The following HUNK variants were observed in gnomAD, a reference collection of about 807,000 sequenced individuals.
HUNK encodes the protein hormonally up-regulated neu tumor-associated kinase.
In HUNK, 21 loss-of-function variants were observed where a neutral mutation model predicts 61.0. The ratio of observed to expected loss-of-function variants is 0.34; its 90% CI spans 0.24 to 0.50. HUNK has a LOEUF of 0.50. Ranked by LOEUF, HUNK falls within the 20% of genes least tolerant of loss-of-function variation. The pLI, the probability that HUNK is intolerant of heterozygous loss-of-function variation, is 0.98. For synonymous variants in HUNK, 371 were observed against 386.1 expected (o/e 0.96, Z 0.46); for missense variants, 772 against 945.7 (o/e 0.82, Z 2.41).
intron 1 of HUNK, among the ~76,000 whole-genome samples, chr21:31,908,084 G>T (rs1287399139): frequency 6.6e-6 from 1 of 152,110 alleles, no homozygotes; most frequent in African/African-American, 2.4e-5. Flanking sequence ...AACTTAAGGA[G>T]TATGTGTCTC....
chr21:31,933,972 C>T (rs2052715657), intron 2 of HUNK, among the ~76,000 whole-genome samples: 1 of 152,066 alleles, frequency 6.6e-6, no homozygotes, highest in African/African-American at 2.4e-5. Flanking sequence ...CATGTGCCGA[C>T]CAGCCTGCCC....
At chr21:31,939,283 C>T (rs766095643) in intron 2 of HUNK, among the ~76,000 whole-genome samples, 3 of 152,008 alleles carry the variant, frequency 2.0e-5, no homozygotes, top group Non-Finnish European at 1.5e-5. Context: ...TTATTTTGCC[C>T]ATGATAATAT....
intron 9 of HUNK, among the ~76,000 whole-genome samples, chr21:31,995,158 CAAAA>C (rs34858300): frequency 1.6e-4 from 12 of 73,870 alleles, no homozygotes; most frequent in Non-Finnish European, 1.7e-4. Flanking sequence ...GACCCTGCCT[CAAAA>C]AAAAAAAAAA....
At chr21:31,977,169 G>C (rs976460855) in intron 7 of HUNK, among the ~76,000 whole-genome samples, 2 of 151,972 alleles carry the variant, frequency 1.3e-5, no homozygotes, top group Non-Finnish European at 2.9e-5. Flanking sequence ...TGATATATTC[G>C]TACAATGTTA....
At position 31,974,725 on chromosome 21, in the gene HUNK, C is replaced by T. The variant is rs751377501; in HGVS notation, c.1173+8C>T. On this transcript the variant is annotated splice_region_variant and intron_variant, in intron 7 of 10. Transcript: ENST00000270112. ...GAGCGCTATTTGTCAGGGGTAAGTG[C>T]GACCCTAGAGGCGATCGTCTCTGCT... 15 of 1,609,956 alleles carry T rather than the reference C, an allele frequency of 9.3e-6. No homozygotes were observed. Among genetic ancestry groups the T allele is most frequent in the African/African-American group, 2.7e-5 (2 of 74,710 alleles).
intron 5 of HUNK, among the ~76,000 whole-genome samples, chr21:31,959,451 T>C (rs1296857059): frequency 6.6e-6 from 1 of 152,234 alleles, no homozygotes; most frequent in Non-Finnish European, 1.5e-5. Flanking sequence ...GTTCAAAAGC[T>C]TTTAAATATA....
intron 1 of HUNK, among the ~76,000 whole-genome samples, chr21:31,912,016 T>C (rs1303256071): frequency 6.6e-6 from 1 of 152,226 alleles, no homozygotes; most frequent in African/African-American, 2.4e-5. Flanking sequence ...TCCTCGTACC[T>C]ACTTTCTAGC....
rs772034181 is a variant in HUNK at position 31,988,148 on chromosome 21, C to T, written c.1258-1981C>T. ...CTCTTTTTCCTGTCAAAGGCAGAGA[C>T]TGTATCTATAAAAGTGGGGTGCATT... is the stretch of plus-strand genomic sequence containing the variant. On this transcript the variant is annotated intron_variant, in intron 8 of 10. Transcript: ENST00000270112. Among the ~76,000 whole-genome samples, 39 of 152,152 alleles carry T rather than the reference C, an allele frequency of 2.6e-4. 1 individual carries two copies. The highest frequency in any genetic ancestry group is 4.0e-4 in the Non-Finnish European group (27 of 68,028).
chr21:31,921,931 T>C (rs190592409), intron 1 of HUNK, among the ~76,000 whole-genome samples: 1 of 152,090 alleles, frequency 6.6e-6, no homozygotes, highest in East Asian at 1.9e-4. Context: ...ATGGTTACCA[T>C]GGTCAAGCTC....
intron 4 of HUNK, among the ~76,000 whole-genome samples, chr21:31,948,658 G>C (rs532159533): frequency 3.9e-5 from 6 of 152,246 alleles, no homozygotes; most frequent in African/African-American, 1.4e-4. Context: ...AGGAAGGACG[G>C]AGGGAGGGAG....
chr21:31,988,437 G>A (rs1291649141), intron 8 of HUNK, among the ~76,000 whole-genome samples: 2 of 152,162 alleles, frequency 1.3e-5, no homozygotes, highest in South Asian at 4.1e-4. Flanking sequence ...TGACGGAGAG[G>A]GTGGCAGGGA....
intron 1 of HUNK, among the ~76,000 whole-genome samples, chr21:31,918,185 C>T (rs780405211): frequency 2.7e-4 from 41 of 151,620 alleles, no homozygotes; most frequent in Non-Finnish European, 4.3e-4. Flanking sequence ...TAATCAAGAA[C>T]GGCATTCCAT....
At chr21:31,929,877 C>T (rs953211736) in intron 2 of HUNK, among the ~76,000 whole-genome samples, 4 of 152,238 alleles carry the variant, frequency 2.6e-5, no homozygotes, top group African/African-American at 7.2e-5. Context: ...TGACAAGAAG[C>T]AGGCACAACC....
intron 1 of HUNK, among the ~76,000 whole-genome samples, chr21:31,922,198 G>A (rs1453638237): frequency 6.6e-6 from 1 of 151,744 alleles, no homozygotes; most frequent in Non-Finnish European, 1.5e-5. Context: ...TATATTTTTA[G>A]TAGAGACAGG....
chr21:31,966,410 C>A (rs1455186336), intron 5 of HUNK, among the ~76,000 whole-genome samples: 1 of 152,140 alleles, frequency 6.6e-6, no homozygotes, highest in Non-Finnish European at 1.5e-5. Flanking sequence ...GTGTCTTTTT[C>A]ATGTAATGAC....
rs751985777 is a variant in HUNK, at chr21:31,968,402, A to T, written c.1010+17A>T. 7 of 1,614,076 alleles carry T rather than the reference A, an allele frequency of 4.3e-6. No individual in the cohort carries two copies. The Admixed American group carries it at 1.2e-4, about 27-fold the overall frequency. On this transcript the variant is annotated intron_variant, in intron 6 of 10. Coordinates refer to ENST00000270112, the MANE Select transcript of HUNK (RefSeq NM_014586.2). ...TCCCAACAGGTAATTTCGTGCACCC[A>T]GAGGAACTCCTCGGGAGAGACGGGG...
chr21:31,935,263 T>C (rs1296454060), intron 2 of HUNK, among the ~76,000 whole-genome samples: 1 of 152,222 alleles, frequency 6.6e-6, no homozygotes, highest in African/African-American at 2.4e-5. Flanking sequence ...ACAATGTTTT[T>C]TAGAGCAGTT....
At chr21:31,916,430 C>T (rs2123810553) in intron 1 of HUNK, among the ~76,000 whole-genome samples, 1 of 152,090 alleles carries the variant, frequency 6.6e-6, no homozygotes, top group East Asian at 1.9e-4. Flanking sequence ...CATTACTGGG[C>T]CTGGGTGATT....
chr21:31,958,507 G>A (rs1463295359), intron 4 of HUNK, among the ~76,000 whole-genome samples: 1 of 151,876 alleles, frequency 6.6e-6, no homozygotes, highest in Non-Finnish European at 1.5e-5. Flanking sequence ...GGTGTGCGGG[G>A]GCTTCATGCA....
Sources: gnomAD v4.1 joint callset for allele counts (sites outside exome capture counted in the v4.1 genomes callset) on GRCh38, gnomAD v4.1.1 for gene constraint, MANE v1.5 for transcripts, NCBI Gene and HGNC (gene_info 2026-07-23, HGNC 2026-07-21) for gene names.